Variants in PTN observed in about 807,000 individuals in gnomAD.
The protein encoded by PTN is heparin affin regulatory protein.
PTN carries 18 observed loss-of-function variants against 24.1 expected under a neutral mutation model. That is an observed-to-expected ratio of 0.75 (90% CI 0.52 to 1.11). The LOEUF is 1.11. Among genes scored for constraint, PTN ranks in the 50% least tolerant of loss-of-function variants. The probability of loss-of-function intolerance (pLI) is 0.00; values close to 1 mark genes in which losing one functional copy is unlikely to be tolerated. For synonymous variants in PTN, 78 were observed against 68.6 expected (o/e 1.14, Z -0.67); for missense variants, 163 against 198.8 (o/e 0.82, Z 1.08).
chr7:137,253,235 C>T (rs543291303), intron 3 of PTN, among the ~76,000 whole-genome samples: 6 of 152,054 alleles, frequency 3.9e-5, no homozygotes, highest in African/African-American at 1.4e-4. Context: ...GGAATGCTAC[C>T]GGAAACTAGC....
intron 1 of PTN, among the ~76,000 whole-genome samples, chr7:137,259,500 A>C (rs980304933): frequency 6.6e-6 from 1 of 152,082 alleles, no homozygotes; most frequent in African/African-American, 2.4e-5. Context: ...GAGACTTGTC[A>C]TGAAGATTAC....
chr7:137,237,291 A>C (rs1401998421), intron 4 of PTN, among the ~76,000 whole-genome samples: 3 of 144,390 alleles, frequency 2.1e-5, no homozygotes, highest in Non-Finnish European at 4.6e-5. Flanking sequence ...AACCAGGAAG[A>C]GGGGCCTCAT....
chr7:137,274,811 T>G (rs1322934782), intron 1 of PTN, among the ~76,000 whole-genome samples: 1 of 152,198 alleles, frequency 6.6e-6, no homozygotes, highest in Non-Finnish European at 1.5e-5. Flanking sequence ...ACAAGTATGA[T>G]TATAATCATG....
Position 137,247,011 on chromosome 7 carries a change from T to G in PTN, c.451+4219A>C, listed in dbSNP as rs551469031. On this transcript the variant is annotated intron_variant, in intron 4 of 4. Coordinates refer to ENST00000348225, the MANE Select transcript of PTN (RefSeq NM_002825.7). ...AAATGACTAGGAGCTCCTACCCCAG[T>G]GTCCAATTCAAAATTAGTGAGTTCC... Among the ~76,000 whole-genome samples the G allele has an allele frequency of 8.5e-5, 13 of 152,336 alleles. No homozygotes were observed. In the East Asian group the frequency reaches 2.5e-3, roughly 29 times the overall value.
At chr7:137,260,362 G>C (rs566157864) in intron 1 of PTN, among the ~76,000 whole-genome samples, 8 of 152,088 alleles carry the variant, frequency 5.3e-5, no homozygotes, top group Admixed American at 1.3e-4. Flanking sequence ...GCAAATTATT[G>C]TAAGATTTTT....
chr7:137,322,229 A>T (rs912209454), intron 1 of PTN, among the ~76,000 whole-genome samples: 2 of 152,234 alleles, frequency 1.3e-5, no homozygotes, highest in African/African-American at 4.8e-5. Context: ...CTCCTGTGCT[A>T]TCAGGGCTTA....
At chr7:137,236,533 A>ACATCT (rs1808524579) in intron 4 of PTN, among the ~76,000 whole-genome samples, 2 of 152,244 alleles carry the variant, frequency 1.3e-5, no homozygotes, top group East Asian at 3.9e-4. Context: ...TTTAATGCCG[A>ACATCT]GTTTCTTTTG....
intron 1 of PTN, chr7:137,326,858 G>T (rs1177473103): frequency 6.6e-6 from 1 of 152,100 alleles, no homozygotes; most frequent in African/African-American, 2.4e-5. Context: ...CAAAAACAGG[G>T]ACTGTGTCAT....
intron 1 of PTN, among the ~76,000 whole-genome samples, chr7:137,318,155 C>G (rs1810104147): frequency 6.6e-6 from 1 of 152,160 alleles, no homozygotes; most frequent in Admixed American, 6.5e-5. Flanking sequence ...GTAATCCCAG[C>G]TACTTGGGAG....
chr7:137,326,921 T>C (rs1240612116), intron 1 of PTN: 1 of 150,718 alleles, frequency 6.6e-6, no homozygotes, highest in Non-Finnish European at 1.5e-5. Context: ...ATTGTGTGCA[T>C]TGCATATTTT....
intron 1 of PTN, among the ~76,000 whole-genome samples, chr7:137,294,652 G>C (rs960448292): frequency 2.0e-5 from 3 of 152,026 alleles, no homozygotes; most frequent in African/African-American, 7.2e-5. Context: ...TGCAGTTACT[G>C]AAAAGCCCAG....
Position 137,227,471 on chromosome 7 carries a change from A to G in PTN, c.*549T>C, listed in dbSNP as rs1284033090. 1 of 151,916 alleles carries G rather than the reference A, an allele frequency of 6.6e-6. No homozygotes were observed. The highest frequency in any genetic ancestry group is 1.5e-5 in the Non-Finnish European group (1 of 67,734). The allele number at this position is 151,916 out of a possible 1,614,324, so 9.4% of individuals were successfully genotyped here. A position where few individuals can be genotyped will look rare whatever the true frequency, so the allele number is the denominator to read the frequency against. ...TTATGTCTTAATGCTTTTCTTTAAAAAAAAAAAAAGTCAACATTGAACTAG... is the reference window on the plus strand; with the variant it reads ...TTATGTCTTAATGCTTTTCTTTAAAGAAAAAAAAAGTCAACATTGAACTAG... On this transcript the variant is annotated 3_prime_UTR_variant, in exon 5 of 5. Transcript: ENST00000348225.
intron 1 of PTN, among the ~76,000 whole-genome samples, chr7:137,296,641 G>T (rs1163676394): frequency 6.6e-6 from 1 of 152,006 alleles, no homozygotes; most frequent in Non-Finnish European, 1.5e-5. Context: ...GGATTTCTGT[G>T]GTGGCAGGGG....
At chr7:137,251,116 A>C (rs890910425) in intron 4 of PTN, 114 bp downstream of exon 4, 9 of 1,264,450 alleles carry the variant, frequency 7.1e-6, no homozygotes, top group Non-Finnish European at 7.8e-6. Context: ...GGAGTTTTTC[A>C]GTCACTTTCT....
At chr7:137,278,981 T>TAAAAAA (rs1218484445) in intron 1 of PTN, among the ~76,000 whole-genome samples, 3 of 140,410 alleles carry the variant, frequency 2.1e-5, no homozygotes, top group African/African-American at 7.7e-5. Context: ...ATAATAATAA[T>TAAAAAA]AAAATAAAGA....
At chr7:137,245,211 C>T (rs1808702082) in intron 4 of PTN, among the ~76,000 whole-genome samples, 1 of 152,156 alleles carries the variant, frequency 6.6e-6, no homozygotes, top group Non-Finnish European at 1.5e-5. Context: ...CAAAACAGAT[C>T]CTGATCATAT....
chr7:137,268,845 T>G (rs1345500874), intron 1 of PTN, among the ~76,000 whole-genome samples: 1 of 152,234 alleles, frequency 6.6e-6, no homozygotes, highest in Admixed American at 6.5e-5. Context: ...TCTTGTCCCT[T>G]ATTTCCCCTT....
At chr7:137,300,757 C>T (rs6977749) in intron 1 of PTN, among the ~76,000 whole-genome samples, 55,554 of 151,744 alleles carry the variant, frequency 0.37, 10,971 homozygotes, top group Non-Finnish European at 0.45. Context: ...CTCAAATTCT[C>T]TTCACAGAGC....
chr7:137,303,077 G>A (rs1472526258), intron 1 of PTN, among the ~76,000 whole-genome samples: 3 of 152,044 alleles, frequency 2.0e-5, no homozygotes, highest in South Asian at 4.1e-4. Context: ...CATTCTCACT[G>A]TATTTTTCAT....
Sources: allele counts gnomAD v4.1 joint callset (sites outside exome capture counted in the v4.1 genomes callset), GRCh38; gene constraint gnomAD v4.1.1; transcripts MANE v1.5; gene names NCBI Gene and HGNC (gene_info 2026-07-23, HGNC 2026-07-21).